PCDHGA4: variants seen among roughly 807,000 people sequenced by gnomAD.
The protein encoded by PCDHGA4 is protocadherin gamma-A4.
A neutral mutation model predicts 54.6 loss-of-function variants in PCDHGA4; 38 were observed. That is an observed-to-expected ratio of 0.70 (90% confidence interval 0.54 to 0.91). The LOEUF is 0.91. Among genes scored for constraint, PCDHGA4 ranks in the 40% least tolerant of loss-of-function variants. PCDHGA4 has a pLI of 0.00. For synonymous variants in PCDHGA4, 511 were observed against 512.9 expected (o/e 1.00, Z 0.05); for missense variants, 1,298 against 1,220.9 (o/e 1.06, Z -0.94).
intron 3 of PCDHGA4, among the ~76,000 whole-genome samples, chr5:141,510,657 G>A (rs1388054630): frequency 6.6e-6 from 1 of 152,156 alleles, no homozygotes; most frequent in Non-Finnish European, 1.5e-5. Context: ...CCATTTTGCA[G>A]ATGAGAAAAC....
At position 141,410,196 on chromosome 5, in the gene PCDHGA4, C is replaced by A. The variant is rs773310778; in HGVS notation, c.2514+52575C>A. 7.4e-6 allele frequency: 12 copies of A among 1,613,866 alleles called. No individual in the cohort carries two copies. In the South Asian group the frequency reaches 1.2e-4, roughly 16 times the overall value. On this transcript the variant is annotated intron_variant, in intron 1 of 3. Transcript: ENST00000571252. ...ACCGCCACGCTTCATCTGGTCTTCG[C>A]AGACAACTTGCAAGAGATACTGCCA... is the stretch of plus-strand genomic sequence containing the variant.
At chr5:141,383,112 G>C (rs1167934535) in intron 1 of PCDHGA4, 5 of 1,613,924 alleles carry the variant, frequency 3.1e-6, no homozygotes, top group Non-Finnish European at 4.2e-6. Context: ...CCAGAGGTAG[G>C]ACGCAGCTTT....
At position 141,477,811 on chromosome 5, in the gene PCDHGA4, C is replaced by T. The variant is rs1211574518; in HGVS notation, c.2515-16996C>T. The T allele has an allele frequency of 6.2e-7, 1 of 1,614,164 alleles. No homozygotes were observed. The highest frequency in any genetic ancestry group is 8.5e-7 in the Non-Finnish European group (1 of 1,180,026). ...TCACTGATCGCAATGACAATGCCCC[C>T]CAGGTCCTATATCCTCGGCCAGGTG... is the stretch of plus-strand genomic sequence containing the variant. On this transcript the variant is annotated intron_variant, in intron 1 of 3. Transcript: ENST00000571252. The surrounding 1 kb of genome is among the most constrained non-coding windows in gnomAD (Gnocchi z 4.9).
chr5:141,453,423 C>T (rs931962019), intron 1 of PCDHGA4, among the ~76,000 whole-genome samples: 2 of 152,120 alleles, frequency 1.3e-5, no homozygotes, highest in African/African-American at 4.8e-5. Context: ...TAAGCCACCA[C>T]ACCTAGCCTA....
chr5:141,486,707 C>A lies in PCDHGA4; in HGVS notation c.2515-8100C>A, dbSNP rs1314530265. On this transcript the variant is annotated intron_variant, in intron 1 of 3. Coordinates refer to ENST00000571252, the MANE Select transcript of PCDHGA4 (RefSeq NM_018917.4). The surrounding 1 kb of genome is among the most constrained non-coding windows in gnomAD (Gnocchi z 5.0). ...AGCTTCCTCTTTCATCTCTCTGAAC[C>A]CCCAGACAGGAGCTGTTCATGCTAC... 2 of 1,614,040 alleles carry A rather than the reference C, an allele frequency of 1.2e-6. No individual in the cohort carries two copies. The highest frequency in any genetic ancestry group is 1.7e-6 in the Non-Finnish European group (2 of 1,180,038).
intron 1 of PCDHGA4, chr5:141,427,178 A>G (rs1175390589): frequency 4.4e-6 from 2 of 456,644 alleles, no homozygotes; most frequent in Admixed American, 2.3e-5. Flanking sequence ...AAAATGGGGA[A>G]ATTAAATCCA....
chr5:141,372,493 C>G lies in PCDHGA4; in HGVS notation c.2514+14872C>G, dbSNP rs998007585. On this transcript the variant is annotated intron_variant, in intron 1 of 3. Transcript: ENST00000571252. ...CTAGTAGTGGCGTTGGCCTTGATCT[C>G]AGTGCTCTTCCTCCTCGCGGTGATT... is the stretch of plus-strand genomic sequence containing the variant. 5 of 1,614,058 alleles carry G rather than the reference C, an allele frequency of 3.1e-6. No individual in the cohort carries two copies. In the African/African-American group the frequency reaches 4.0e-5, roughly 13 times the overall value.
At chr5:141,376,288 G>A (rs753554580) in intron 1 of PCDHGA4, 4 of 1,614,216 alleles carry the variant, frequency 2.5e-6, no homozygotes, top group South Asian at 2.2e-5. Flanking sequence ...TAGCGAGCAT[G>A]CCCGGCTCGC....
rs766387243 is a variant in PCDHGA4 at position 141,489,017 on chromosome 5, TCTC to T, written c.2515-5782_2515-5780del. The stretch of plus-strand genomic sequence containing the variant: ...GGGAGATCTGCTCTTCCAGCCCGCC[TCTC>T]CTCCTCCAGCTCCCCAGCTCCACTC... On this transcript the variant is annotated intron_variant, in intron 1 of 3. Transcript: ENST00000571252. This position sits in a 1 kb window ranked among gnomAD's most constrained non-coding sequence, Gnocchi z 4.5. 2 of 435,354 alleles carry T rather than the reference TCTC, an allele frequency of 4.6e-6. No individual in the cohort carries two copies. Among genetic ancestry groups the T allele is most frequent in the Non-Finnish European group, 8.1e-6 (2 of 247,876 alleles). The allele number at this position is 435,354 out of a possible 1,614,324, so 27.0% of individuals were successfully genotyped here. A position where few individuals can be genotyped will look rare whatever the true frequency, so the allele number is the denominator to read the frequency against.
chr5:141,385,582 G>C, intron 1 of PCDHGA4: 1 of 1,273,856 alleles, frequency 7.9e-7, no homozygotes, highest in Non-Finnish European at 9.9e-7. Context: ...TCCAATCTAT[G>C]TTCCAACCTA....
Position 141,431,168 on chromosome 5 carries a change from G to A in PCDHGA4, c.2515-63639G>A, listed in dbSNP as rs779778442. On this transcript the variant is annotated intron_variant, in intron 1 of 3. Coordinates refer to ENST00000571252, the MANE Select transcript of PCDHGA4 (RefSeq NM_018917.4). This position sits in a 1 kb window ranked among gnomAD's most constrained non-coding sequence, Gnocchi z 4.8. Reference sequence around the variant, plus strand: ...CAATGCGCCTTACTTTCGTGAAAGTGAATTAGAAATAAAAATTAGTGAAAA... The same window carrying A: ...CAATGCGCCTTACTTTCGTGAAAGTAAATTAGAAATAAAAATTAGTGAAAA... The A allele has an allele frequency of 9.9e-6, 16 of 1,614,206 alleles. No individual in the cohort carries two copies. The Admixed American group carries it at 1.2e-4, about 12-fold the overall frequency.
chr5:141,394,128 GC>G, intron 1 of PCDHGA4: 4 of 1,613,730 alleles, frequency 2.5e-6, no homozygotes, highest in Non-Finnish European at 3.4e-6. Context: ...AACTCAAATC[GC>G]TCTGCACGTG....
intron 1 of PCDHGA4, chr5:141,395,626 G>A (rs57582939): frequency 0.038 from 6,997 of 184,208 alleles, 191 homozygotes; most frequent in African/African-American, 0.067. Context: ...TTATCAAGAA[G>A]TCTAAAGCCT....
intron 1 of PCDHGA4, among the ~76,000 whole-genome samples, chr5:141,452,276 C>A (rs1160292593): frequency 2.6e-5 from 4 of 152,172 alleles, no homozygotes; most frequent in Admixed American, 6.5e-5. Flanking sequence ...TGAACCCTTT[C>A]TTACTTTCTG....
At chr5:141,415,739 GGTTTTTTTT>G in intron 1 of PCDHGA4, 5 of 434,942 alleles carry the variant, frequency 1.1e-5, no homozygotes, top group African/African-American at 9.8e-5. Context: ...TGTTTATTAA[GGTTTTTTTT>G]TTTTTTTTTT....
At position 141,409,894 on chromosome 5, in the gene PCDHGA4, C is replaced by A. The variant is rs1440813020; in HGVS notation, c.2514+52273C>A. The A allele has an allele frequency of 2.5e-6, 4 of 1,613,196 alleles. No homozygotes were observed. In the Admixed American group the frequency reaches 5.0e-5, roughly 20 times the overall value. ...ATGACAACGCACCGCGGGTGCTGTACCCAGCTCTGGGTCCTGACGGCTCCG... is the reference window on the plus strand; with the variant it reads ...ATGACAACGCACCGCGGGTGCTGTAACCAGCTCTGGGTCCTGACGGCTCCG... On this transcript the variant is annotated intron_variant, in intron 1 of 3. Transcript: ENST00000571252.
chr5:141,395,420 T>A, intron 1 of PCDHGA4: 1 of 771,734 alleles, frequency 1.3e-6, no homozygotes, highest in Non-Finnish European at 2.0e-6. Flanking sequence ...ATTGTTTCAT[T>A]TGCTTTTAAA....
In PCDHGA4 at chr5:141,356,054, G is replaced by A; in HGVS notation, c.947G>A (p.Arg316Lys). Reference protein sequence around the residue: ...GDVTYSFRKVRDKISQLFQLN... With the variant: ...GDVTYSFRKVKDKISQLFQLN... Reference sequence around the variant, plus strand: ...GTGACGTATTCTTTCCGGAAAGTAAGAGACAAAATATCACAGCTATTTCAG... The same window carrying A: ...GTGACGTATTCTTTCCGGAAAGTAAAAGACAAAATATCACAGCTATTTCAG... The change falls in exon 1 of 4, where the codon AGA becomes AAA. Residue 316 changes from arginine (R) to lysine (K), a missense_variant. Physicochemically the swap from Arg to Lys is conservative, Grantham distance 26. Transcript: ENST00000571252. 3 of 1,613,936 alleles carry A rather than the reference G, an allele frequency of 1.9e-6. No individual in the cohort carries two copies. The highest frequency in any genetic ancestry group is 1.1e-5 in the South Asian group (1 of 91,080).
chr5:141,391,648 C>T (rs760508987), intron 1 of PCDHGA4: 4 of 152,210 alleles, frequency 2.6e-5, no homozygotes, highest in Non-Finnish European at 5.9e-5. Context: ...AAAAAACTAT[C>T]ATACCAGTCT....
Sources: allele counts gnomAD v4.1 joint callset (sites outside exome capture counted in the v4.1 genomes callset), GRCh38; gene constraint gnomAD v4.1.1; non-coding constraint Gnocchi (gnomAD v3.1); transcripts MANE v1.5; gene names NCBI Gene and HGNC (gene_info 2026-07-23, HGNC 2026-07-21).